Variants in KPNA4 observed in about 807,000 individuals in gnomAD.
KPNA4 encodes the protein karyopherin subunit alpha 4.
Under a neutral mutation model 71.3 loss-of-function variants are expected in KPNA4, and 13 were observed. That is an observed-to-expected ratio of 0.18 (90% CI 0.12 to 0.29). The LOEUF is 0.29. Among genes scored for constraint, KPNA4 ranks in the 10% least tolerant of loss-of-function variants. The pLI, the probability that KPNA4 is intolerant of heterozygous loss-of-function variation, is 1.00. For synonymous variants in KPNA4, 189 were observed against 195.2 expected (o/e 0.97, Z 0.26); for missense variants, 334 against 603.2 (o/e 0.55, Z 4.67).
At chr3:160,550,848 G>A (rs565364709) in intron 1 of KPNA4, among the ~76,000 whole-genome samples, 2 of 152,232 alleles carry the variant, frequency 1.3e-5, no homozygotes, top group South Asian at 4.1e-4. Context: ...TGCACCCCAG[G>A]CATAAATTCC....
intron 16 of KPNA4, among the ~76,000 whole-genome samples, chr3:160,504,075 AAAAG>A (rs1720936457): frequency 6.6e-6 from 1 of 152,204 alleles, no homozygotes; most frequent in Non-Finnish European, 1.5e-5. Flanking sequence ...CGTCTTTAAA[AAAAG>A]AAAGAAAGAA....
intron 13 of KPNA4, among the ~76,000 whole-genome samples, chr3:160,511,714 T>A (rs898466077): frequency 4.8e-4 from 70 of 146,526 alleles, no homozygotes; most frequent in East Asian, 3.9e-4. Flanking sequence ...TTTGTTATTT[T>A]TATATATATA....
intron 15 of KPNA4, among the ~76,000 whole-genome samples, chr3:160,507,569 T>C (rs148519571): frequency 5.3e-5 from 8 of 151,996 alleles, no homozygotes; most frequent in African/African-American, 1.9e-4. Context: ...CTCTTCATAG[T>C]TTCTACCCCA....
At position 160,499,005 on chromosome 3, in the gene KPNA4, A is replaced by T. The variant is rs1720823188; in HGVS notation, c.*3099T>A. The T allele has an allele frequency of 6.6e-6, 1 of 152,182 alleles. No individual in the cohort carries two copies. The highest frequency in any genetic ancestry group is 2.4e-5 in the African/African-American group (1 of 41,446). The allele number at this position is 152,182 out of a possible 1,614,324, so 9.4% of individuals were successfully genotyped here. ...CCCCCATAAATTACTGTTACAATAAACCCAGTCATTTTACAATGCAGTTAT... is the reference window on the plus strand; with the variant it reads ...CCCCCATAAATTACTGTTACAATAATCCCAGTCATTTTACAATGCAGTTAT... On this transcript the variant is annotated 3_prime_UTR_variant, in exon 17 of 17. Coordinates refer to ENST00000334256, the MANE Select transcript of KPNA4 (RefSeq NM_002268.5).
intron 5 of KPNA4, 54 bp from the exon 6 acceptor site, chr3:160,531,611 T>A: frequency 1.2e-6 from 1 of 854,724 alleles, no homozygotes; most frequent in Non-Finnish European, 1.8e-6. Context: ...ATATTATGAT[T>A]AAATATAAAT....
intron 1 of KPNA4, among the ~76,000 whole-genome samples, chr3:160,541,464 A>G (rs1721794881): frequency 6.6e-6 from 1 of 152,144 alleles, no homozygotes. Flanking sequence ...AAAAAAGAAA[A>G]TAAGAATTAA....
At chr3:160,554,825 C>T (rs1396325001) in intron 1 of KPNA4, among the ~76,000 whole-genome samples, 1 of 152,208 alleles carries the variant, frequency 6.6e-6, no homozygotes, top group East Asian at 1.9e-4. Context: ...AACTCAGTGC[C>T]CCTTCCCGCA....
chr3:160,502,911 G>C (rs1371736218), intron 16 of KPNA4, among the ~76,000 whole-genome samples: 1 of 152,088 alleles, frequency 6.6e-6, no homozygotes, highest in East Asian at 1.9e-4. Context: ...AGGAGTTCAA[G>C]ACCAGCCTGG....
At position 160,521,282 on chromosome 3, in the gene KPNA4, G is replaced by A. The variant is rs918053280; in HGVS notation, c.903+497C>T. ...CAGATGCCATGCATGTTGCTATAAT[G>A]AACTTCCCTGGTCTACATTAAAAAT... On this transcript the variant is annotated intron_variant, in intron 11 of 16. Transcript: ENST00000334256. Among the ~76,000 whole-genome samples, 5 of 152,254 alleles carry A rather than the reference G, an allele frequency of 3.3e-5. No individual in the cohort carries two copies. In the East Asian group the frequency reaches 9.7e-4, roughly 29 times the overall value.
In KPNA4 at chr3:160,538,510, T is replaced by C. The variant is rs549678455; in HGVS notation, c.70-1670A>G. 9.5e-4 allele frequency among the ~76,000 whole-genome samples: 144 copies of C among 152,150 alleles called. 1 individual carries two copies. Among genetic ancestry groups the C allele is most frequent in the Non-Finnish European group, 1.7e-3 (115 of 68,024 alleles). On this transcript the variant is annotated intron_variant, in intron 1 of 16. Coordinates refer to ENST00000334256, the MANE Select transcript of KPNA4 (RefSeq NM_002268.5). Reference sequence around the variant, plus strand: ...AAATTCCAGGGGCCCTCCTGAATTCTACCCATAGACTCCAAGGAAGGAAAG... The same window carrying C: ...AAATTCCAGGGGCCCTCCTGAATTCCACCCATAGACTCCAAGGAAGGAAAG...
chr3:160,543,126 G>A (rs564162283), intron 1 of KPNA4, among the ~76,000 whole-genome samples: 1 of 152,200 alleles, frequency 6.6e-6, no homozygotes, highest in South Asian at 2.1e-4. Context: ...TCTTTTGCAC[G>A]AGGTTACATA....
intron 11 of KPNA4, among the ~76,000 whole-genome samples, chr3:160,519,389 G>C (rs1357578222): frequency 1.3e-5 from 2 of 152,164 alleles, no homozygotes; most frequent in Non-Finnish European, 2.9e-5. Flanking sequence ...TCTGGATACT[G>C]ATTTGGTAAA....
At chr3:160,543,701 A>C (rs971875545) in intron 1 of KPNA4, among the ~76,000 whole-genome samples, 2 of 152,218 alleles carry the variant, frequency 1.3e-5, no homozygotes, top group African/African-American at 2.4e-5. Flanking sequence ...TATGCATGGC[A>C]ATGTAGTTTC....
intron 11 of KPNA4, among the ~76,000 whole-genome samples, chr3:160,519,135 G>A (rs1193439132): frequency 2.0e-5 from 3 of 152,044 alleles, no homozygotes; most frequent in African/African-American, 7.2e-5. Context: ...ATTTTAATAG[G>A]GATTGTGTTT....
At position 160,501,907 on chromosome 3, in the gene KPNA4, C is replaced by T. The variant is rs186893616; in HGVS notation, c.*197G>A. The T allele has an allele frequency of 1.6e-4, 37 of 235,052 alleles. No individual in the cohort carries two copies. Among genetic ancestry groups the T allele is most frequent in the Admixed American group, 7.7e-4 (14 of 18,082 alleles). 14.6% of individuals were successfully genotyped at this position (235,052 alleles called of 1,614,324 possible). A position where few individuals can be genotyped will look rare whatever the true frequency, so the allele number is the denominator to read the frequency against. ...ACTCGCACCCACTCGCCATCTTGAC[C>T]TCATTTGGGCATTTTCTGTGATTCC... On this transcript the variant is annotated 3_prime_UTR_variant, in exon 17 of 17. Coordinates refer to ENST00000334256, the MANE Select transcript of KPNA4 (RefSeq NM_002268.5).
chr3:160,514,747 T>C (rs577010205), intron 12 of KPNA4, among the ~76,000 whole-genome samples: 17 of 152,328 alleles, frequency 1.1e-4, no homozygotes, highest in Middle Eastern at 3.4e-3. Flanking sequence ...AGATATTTGA[T>C]TGTTTTATTG....
chr3:160,551,610 T>C (rs980443975), intron 1 of KPNA4, among the ~76,000 whole-genome samples: 18 of 151,616 alleles, frequency 1.2e-4, no homozygotes, highest in Middle Eastern at 3.4e-3. Context: ...ATGAAGTTAG[T>C]TGGATGGGGA....
chr3:160,559,273 T>C (rs968048571), intron 1 of KPNA4, among the ~76,000 whole-genome samples: 1 of 152,004 alleles, frequency 6.6e-6, no homozygotes, highest in African/African-American at 2.4e-5. Flanking sequence ...CCCAGAGGCA[T>C]GGTAAAAAAA....
intron 1 of KPNA4, among the ~76,000 whole-genome samples, chr3:160,545,365 G>A (rs1274981768): frequency 1.3e-5 from 2 of 152,078 alleles, no homozygotes; most frequent in Non-Finnish European, 2.9e-5. Flanking sequence ...CTGACCACAA[G>A]TGTTCTGAGT....
Sources: gnomAD v4.1 joint callset for allele counts (sites outside exome capture counted in the v4.1 genomes callset) on GRCh38, gnomAD v4.1.1 for gene constraint, MANE v1.5 for transcripts, NCBI Gene and HGNC (gene_info 2026-07-23, HGNC 2026-07-21) for gene names.